Variants in FGF12 observed in about 807,000 individuals in gnomAD.
FGF12 encodes fibroblast growth factor 12.
Under a neutral mutation model 23.6 loss-of-function variants are expected in FGF12, and 14 were observed. The observed-to-expected ratio is 0.59, with a 90% CI of 0.39 to 0.93. FGF12 has a LOEUF of 0.93. FGF12 is among the 40% of genes least tolerant of loss of function. The probability of loss-of-function intolerance (pLI) is 0.00; values close to 1 mark genes in which losing one functional copy is unlikely to be tolerated. For missense variants in FGF12, 175 were observed against 217.8 expected, an observed-to-expected ratio of 0.80 and a Z score of 1.24; for synonymous variants, 62 against 77.3, an observed-to-expected ratio of 0.80 and a Z score of 1.04.
rs1560091818 is a variant in FGF12 at position 192,378,084 on chromosome 3, T to TTCTTTCTG, written c.14-17547_14-17546insCAGAAAGA. 1.5e-4 allele frequency among the ~76,000 whole-genome samples: 17 copies of TTCTTTCTG among 114,422 alleles called. 1 individual carries two copies. The highest frequency in any genetic ancestry group is 6.5e-4 in the African/African-American group (15 of 23,124). 75.1% of individuals were successfully genotyped at this position (114,422 alleles called of 152,430 possible). A position where few individuals can be genotyped will look rare whatever the true frequency, so the allele number is the denominator to read the frequency against. On this transcript the variant is annotated intron_variant, in intron 2 of 5. Coordinates refer to ENST00000445105, the MANE Select transcript of FGF12 (RefSeq NM_004113.6). ...TTTCTTTCTTTCTTTCTTTCTTTCT[T>TTCTTTCTG]TCTTTCTTTCTTCTTTCTTTCCTTC...
chr3:192,158,320 C>CTTTCTTTCTT lies in FGF12; in HGVS notation c.427+12128_427+12137dup, dbSNP rs1423781430. On this transcript the variant is annotated intron_variant, in intron 5 of 5. Transcript: ENST00000445105. ...CTGCCTGCTTTTCCCTTTTCTCTTTCTTTCTTTCTTTCTCTTTCTTTCTTT... is the reference window on the plus strand; with the variant it reads ...CTGCCTGCTTTTCCCTTTTCTCTTTCTTTCTTTCTTTTTCTTTCTTTCTCTTTCTTTCTTT... Among the ~76,000 whole-genome samples, 179 of 124,504 alleles carry CTTTCTTTCTT rather than the reference C, an allele frequency of 1.4e-3. 1 individual carries two copies. Among genetic ancestry groups the CTTTCTTTCTT allele is most frequent in the African/African-American group, 5.5e-3 (155 of 27,948 alleles). The allele number at this position is 124,504 out of a possible 152,430, so 81.7% of individuals were successfully genotyped here.
At chr3:192,553,401 G>T in intron 2 of FGF12, among the ~76,000 whole-genome samples, 1 of 151,946 alleles carries the variant, frequency 6.6e-6, no homozygotes, top group East Asian at 1.9e-4. Context: ...ATACTACAAT[G>T]GTAACTCTAA....
rs562908233 is a variant in FGF12 at position 192,156,651 on chromosome 3, C to T, written c.428-12524G>A. On this transcript the variant is annotated intron_variant, in intron 5 of 5. Transcript: ENST00000445105. ...TTTTCTGGGTTGTCCTTGATCAAGC[C>T]GCTTGCCCTCTTTCTATTCATTTGT... 3.3e-5 allele frequency among the ~76,000 whole-genome samples: 5 copies of T among 150,290 alleles called. No homozygotes were observed. In the South Asian group the frequency reaches 6.2e-4, roughly 19 times the overall value.
chr3:192,349,626 A>C (rs1348507714), intron 3 of FGF12, among the ~76,000 whole-genome samples: 1 of 152,110 alleles, frequency 6.6e-6, no homozygotes, highest in Non-Finnish European at 1.5e-5. Context: ...TTGAGAATAT[A>C]TGTAACACTG....
intron 2 of FGF12, among the ~76,000 whole-genome samples, chr3:192,538,652 T>G (rs1725293006): frequency 6.6e-6 from 1 of 152,192 alleles, no homozygotes; most frequent in African/African-American, 2.4e-5. Context: ...TTTCAAAATT[T>G]TTTTTCTATT....
At position 192,408,972 on chromosome 3, in the gene FGF12, C is replaced by A. The variant is rs1039535891; in HGVS notation, c.14-48434G>T. ...GAGAGGCGCGAAGTGGGAGCGGTTA[C>A]CCGGAGTCTGGGTAGGGGCGCGGGG... On this transcript the variant is annotated intron_variant, in intron 2 of 5. Transcript: ENST00000445105. The surrounding 1 kb of genome is among the most constrained non-coding windows in gnomAD (Gnocchi z 7.3). 1 of 984,728 alleles carries A rather than the reference C, an allele frequency of 1.0e-6. No individual in the cohort carries two copies. Among genetic ancestry groups the A allele is most frequent in the Non-Finnish European group, 1.2e-6 (1 of 829,858 alleles). The allele number at this position is 984,728 out of a possible 1,614,324, so 61.0% of individuals were successfully genotyped here.
intron 2 of FGF12, among the ~76,000 whole-genome samples, chr3:192,419,671 G>C (rs568517558): frequency 6.6e-6 from 1 of 152,180 alleles, no homozygotes; most frequent in East Asian, 1.9e-4. Context: ...GGCAATACTT[G>C]GGAAAACTTT....
chr3:192,226,558 A>T (rs1718746840), intron 4 of FGF12, among the ~76,000 whole-genome samples: 1 of 152,124 alleles, frequency 6.6e-6, no homozygotes, highest in Non-Finnish European at 1.5e-5. Context: ...CTATGGTCTG[A>T]AGTTTTGTGT....
At chr3:192,648,532 T>G (rs1043523975) in intron 2 of FGF12, among the ~76,000 whole-genome samples, 2 of 152,064 alleles carry the variant, frequency 1.3e-5, no homozygotes, top group African/African-American at 4.8e-5. Context: ...CATCAGTAGA[T>G]ATTTCCCCTT....
chr3:192,642,096 T>C (rs1197745832), intron 2 of FGF12, among the ~76,000 whole-genome samples: 1 of 152,242 alleles, frequency 6.6e-6, no homozygotes, highest in Non-Finnish European at 1.5e-5. Context: ...CTTATCAAAC[T>C]GTTTCATCAA....
At chr3:192,382,347 C>T (rs1719853576) in intron 2 of FGF12, among the ~76,000 whole-genome samples, 1 of 151,460 alleles carries the variant, frequency 6.6e-6, no homozygotes, top group African/African-American at 2.4e-5. Context: ...ATGCTATAGT[C>T]CATCTACACT....
At chr3:192,726,780 C>T (rs1380404690) in intron 2 of FGF12, 3 of 212,346 alleles carry the variant, frequency 1.4e-5, no homozygotes, top group Non-Finnish European at 2.8e-5. Context: ...TTTAGCAATG[C>T]ATTATTGGAT....
intron 5 of FGF12, among the ~76,000 whole-genome samples, chr3:192,164,116 G>A (rs1715027193): frequency 6.6e-6 from 1 of 152,106 alleles, no homozygotes; most frequent in African/African-American, 2.4e-5. Context: ...AAGGAGGAGG[G>A]AGGAGAAAAG....
Position 192,640,341 on chromosome 3 carries a change from T to C in FGF12, c.13+86840A>G, listed in dbSNP as rs886977991. Among the ~76,000 whole-genome samples the C allele has an allele frequency of 2.0e-5, 3 of 152,118 alleles. No homozygotes were observed. In the South Asian group the frequency reaches 6.2e-4, roughly 31 times the overall value. On this transcript the variant is annotated intron_variant, in intron 2 of 5. Coordinates refer to ENST00000445105, the MANE Select transcript of FGF12 (RefSeq NM_004113.6). ...GTATATATCAAATATGGACAATAAA[T>C]TATATTTTAAATTTAAAGAAATAAA...
rs138577237 is a variant in FGF12, at chr3:192,417,075, T to G, written c.14-56537A>C. 3.3e-5 allele frequency among the ~76,000 whole-genome samples: 5 copies of G among 152,102 alleles called. No homozygotes were observed. In the South Asian group the frequency reaches 1.0e-3, roughly 31 times the overall value. ...CCTACTCTAGGTAATGTATACACATTGTAGTAAGCTAGCAACAGTTTAAGA... is the reference window on the plus strand; with the variant it reads ...CCTACTCTAGGTAATGTATACACATGGTAGTAAGCTAGCAACAGTTTAAGA... On this transcript the variant is annotated intron_variant, in intron 2 of 5. Transcript: ENST00000445105.
intron 4 of FGF12, among the ~76,000 whole-genome samples, chr3:192,293,253 G>T (rs1714858003): frequency 6.6e-6 from 1 of 151,862 alleles, no homozygotes; most frequent in Non-Finnish European, 1.5e-5. Flanking sequence ...AAAAAAAATG[G>T]TGGAATTTAG....
At chr3:192,172,451 T>C (rs1486735661) in intron 4 of FGF12, among the ~76,000 whole-genome samples, 1 of 150,058 alleles carries the variant, frequency 6.7e-6, no homozygotes, top group Non-Finnish European at 1.5e-5. Context: ...AGAAAGGTGG[T>C]TGTAGATAGT....
At chr3:192,633,170 C>T (rs1405673021) in intron 2 of FGF12, among the ~76,000 whole-genome samples, 1 of 152,036 alleles carries the variant, frequency 6.6e-6, no homozygotes, top group Admixed American at 6.5e-5. Context: ...CTCAGCCTCC[C>T]GAGTAGCTGG....
intron 2 of FGF12, among the ~76,000 whole-genome samples, chr3:192,528,308 G>A (rs570809663): frequency 6.6e-6 from 1 of 152,092 alleles, no homozygotes; most frequent in Non-Finnish European, 1.5e-5. Context: ...AATCCAGTGG[G>A]GTAGTCAAAT....
Sources: allele counts gnomAD v4.1 joint callset (sites outside exome capture counted in the v4.1 genomes callset), GRCh38; gene constraint gnomAD v4.1.1; non-coding constraint Gnocchi (gnomAD v3.1); transcripts MANE v1.5; gene names NCBI Gene and HGNC (gene_info 2026-07-23, HGNC 2026-07-21).